Variants in MKNK1 observed in about 807,000 individuals in gnomAD.
The protein encoded by MKNK1 is MAPK interacting serine/threonine kinase 1.
In MKNK1, 30 loss-of-function variants were observed where a neutral mutation model predicts 49.3. The observed-to-expected ratio is 0.61, with a 90% CI of 0.46 to 0.83. The LOEUF (loss-of-function observed/expected upper bound fraction) is 0.83, where lower values mean the gene tolerates loss of function less well. Ranked by LOEUF, MKNK1 falls within the 40% of genes least tolerant of loss-of-function variation. MKNK1 has a pLI of 0.00. For missense variants in MKNK1, 423 were observed against 524.7 expected (o/e 0.81, Z 1.89); for synonymous variants, 176 against 201.7 (o/e 0.87, Z 1.08).
At chr1:46,571,927 G>C in intron 7 of MKNK1, 136 bp downstream of exon 7, 1 of 725,676 alleles carries the variant, frequency 1.4e-6, no homozygotes, top group African/African-American at 1.8e-5. Flanking sequence ...ACTCCCATGG[G>C]TGAGCATGTT....
intron 4 of MKNK1, among the ~76,000 whole-genome samples, chr1:46,578,860 A>T (rs1671354248): frequency 6.6e-6 from 1 of 151,790 alleles, no homozygotes. Flanking sequence ...GGTTCATGGG[A>T]TTCTCCTGCC....
chr1:46,589,527 G>C lies in MKNK1; in HGVS notation c.-3+4586C>G, dbSNP rs868525090. On this transcript the variant is annotated intron_variant, in intron 2 of 12. Transcript: ENST00000371945. This position sits in a 1 kb window ranked among gnomAD's most constrained non-coding sequence, Gnocchi z 4.3. The stretch of plus-strand genomic sequence containing the variant: ...CCATTCCTAGGCATACGTTTATCTT[G>C]TTTTCTCCATTAAAATAGGAATGCA... 2.0e-5 allele frequency among the ~76,000 whole-genome samples: 3 copies of C among 152,204 alleles called. No homozygotes were observed. The highest frequency in any genetic ancestry group is 1.5e-5 in the Non-Finnish European group (1 of 68,022).
chr1:46,585,229 G>C (rs1415556671), intron 2 of MKNK1, among the ~76,000 whole-genome samples: 4 of 95,628 alleles, frequency 4.2e-5, no homozygotes, highest in Non-Finnish European at 5.8e-5. Flanking sequence ...CAGCCTGGGT[G>C]ACAGAGCAAG....
At chr1:46,600,934 T>G (rs897304083) in intron 1 of MKNK1, among the ~76,000 whole-genome samples, 1 of 152,020 alleles carries the variant, frequency 6.6e-6, no homozygotes, top group African/African-American at 2.4e-5. Context: ...TTTTTTTTTT[T>G]GAGACAGAGT....
At chr1:46,582,718 C>T (rs1671928343) in intron 3 of MKNK1, 3 of 366,938 alleles carry the variant, frequency 8.2e-6, no homozygotes, top group Non-Finnish European at 1.6e-5. Flanking sequence ...GATGACCCAA[C>T]ATCGTTTCTA....
intron 6 of MKNK1, chr1:46,573,766 C>T (rs1670554071): frequency 6.7e-6 from 1 of 150,230 alleles, no homozygotes; most frequent in Non-Finnish European, 1.5e-5. Context: ...CAGAGTCTCA[C>T]TCTGTTGCCC....
chr1:46,579,221 G>A (rs1294963549), intron 4 of MKNK1, among the ~76,000 whole-genome samples: 1 of 152,166 alleles, frequency 6.6e-6, no homozygotes, highest in Non-Finnish European at 1.5e-5. Flanking sequence ...CCCGCAGCTG[G>A]GACTGTGGAA....
At chr1:46,602,051 G>A (rs992829253) in intron 1 of MKNK1, among the ~76,000 whole-genome samples, 1 of 152,186 alleles carries the variant, frequency 6.6e-6, no homozygotes, top group African/African-American at 2.4e-5. Context: ...ATGAGGAGGA[G>A]GAGGGAAATC....
At chr1:46,597,520 C>T (rs1412379408) in intron 1 of MKNK1, among the ~76,000 whole-genome samples, 1 of 152,186 alleles carries the variant, frequency 6.6e-6, no homozygotes, top group Non-Finnish European at 1.5e-5. Flanking sequence ...TCACTCACGG[C>T]CTCCATCAAC....
chr1:46,560,824 T>C (rs540301337), intron 11 of MKNK1, among the ~76,000 whole-genome samples: 2 of 152,186 alleles, frequency 1.3e-5, no homozygotes, highest in East Asian at 3.9e-4. Context: ...ATCTGCAACA[T>C]AGGATGGCAA....
chr1:46,601,019 C>T (rs780778239), intron 1 of MKNK1, among the ~76,000 whole-genome samples: 3 of 152,022 alleles, frequency 2.0e-5, no homozygotes, highest in Non-Finnish European at 4.4e-5. Context: ...TGGGTTCAAG[C>T]GATTCTCCTG....
chr1:46,564,466 GTTTTTTTTTTTT>G (rs568296534), intron 9 of MKNK1, among the ~76,000 whole-genome samples: 14 of 70,184 alleles, frequency 2.0e-4, no homozygotes, highest in Admixed American at 1.8e-3. Context: ...TTTTTTTATT[GTTTTTTTTTTTT>G]TTTTTTTTTT....
intron 11 of MKNK1, among the ~76,000 whole-genome samples, chr1:46,561,134 CT>C (rs1199808420): frequency 6.6e-6 from 1 of 152,216 alleles, no homozygotes; most frequent in African/African-American, 2.4e-5. Context: ...TTGCTCACTT[CT>C]GGGTGTCCTC....
intron 9 of MKNK1, chr1:46,563,542 C>T (rs186882401): frequency 6.6e-6 from 1 of 152,308 alleles, no homozygotes; most frequent in Admixed American, 6.5e-5. Flanking sequence ...CTCCCGCCTC[C>T]ACACACCCTG....
chr1:46,603,714 GA>G (rs1436883770), intron 1 of MKNK1, among the ~76,000 whole-genome samples: 1 of 152,260 alleles, frequency 6.6e-6, no homozygotes, highest in African/African-American at 2.4e-5. Flanking sequence ...GAGCTCTCTA[GA>G]AGACAGGGTG....
chr1:46,558,824 G>A (rs1295141605), intron 12 of MKNK1, 24 bp from the exon 13 acceptor site: 1 of 1,603,698 alleles, frequency 6.2e-7, no homozygotes, highest in African/African-American at 1.3e-5. Flanking sequence ...GGAAAGCACA[G>A]AAAAGAGGGT....
rs376793619 is a variant in MKNK1 at position 46,562,669 on chromosome 1, C to T, written c.784G>A (p.Glu262Lys). 3.1e-5 allele frequency: 48 copies of T among 1,555,470 alleles called. No individual in the cohort carries two copies. In the African/African-American group the frequency reaches 4.5e-4, roughly 15 times the overall value. The change falls in exon 10 of 13, where the codon GAG becomes AAG. Residue 262 changes from glutamate to lysine, a missense_variant. By Grantham distance (56) the Glu-to-Lys change is moderately conservative. Transcript: ENST00000371945. ...CTCACCTGGCACACCCTGCAGACCT[C>T]GCCCCGGTCCCAGCCACAGTCGGCC... ...CGADCGWDRG[E>K]VCRVCQNKLF... is the part of the protein sequence containing the mutation.
rs764049884 is a variant in MKNK1 at position 46,572,172 on chromosome 1, G to A, written c.353-5C>T. 1 of 1,613,192 alleles carries A rather than the reference G, an allele frequency of 6.2e-7. No individual in the cohort carries two copies. The highest frequency in any genetic ancestry group is 8.5e-7 in the Non-Finnish European group (1 of 1,179,206). On this transcript the variant is annotated splice_region_variant and splice_polypyrimidine_tract_variant and intron_variant, in intron 6 of 12. Coordinates refer to ENST00000371945, the MANE Select transcript of MKNK1 (RefSeq NM_001135553.4). ...GGATGTGGGCTAAGATGGAACCTGG[G>A]GAGCAGAGGGGACATAGAAGAATGC...
At chr1:46,569,904 C>T (rs1296523579) in intron 7 of MKNK1, 1 of 152,232 alleles carries the variant, frequency 6.6e-6, no homozygotes, top group Non-Finnish European at 1.5e-5. Context: ...CCTAAGAACT[C>T]AGAGAGCCAG....
Sources: allele counts gnomAD v4.1 joint callset (sites outside exome capture counted in the v4.1 genomes callset), GRCh38; gene constraint gnomAD v4.1.1; non-coding constraint Gnocchi (gnomAD v3.1); transcripts MANE v1.5; gene names NCBI Gene and HGNC (gene_info 2026-07-23, HGNC 2026-07-21).